Variants in PITPNM2 observed in about 807,000 individuals in gnomAD.
PITPNM2 encodes phosphatidylinositol transfer protein membrane associated 2, also known as membrane-associated phosphatidylinositol transfer protein 2.
PITPNM2 carries 35 observed loss-of-function variants against 132.2 expected under a neutral mutation model. The observed-to-expected ratio is 0.26, with a 90% CI of 0.20 to 0.35. PITPNM2 has a LOEUF of 0.35. Among genes scored for constraint, PITPNM2 ranks in the 10% least tolerant of loss-of-function variants. The pLI is 1.00. For missense variants in PITPNM2, 1,332 were observed against 1,912.0 expected, an observed-to-expected ratio of 0.70 and a Z score of 5.66; for synonymous variants, 738 against 799.2, an observed-to-expected ratio of 0.92 and a Z score of 1.29.
Position 122,986,216 on chromosome 12 carries a change from C to T in PITPNM2, c.3861G>A (p.Leu1287=), listed in dbSNP as rs1036460371. ...SFGLPGQGDF[L]RSRNHLLRTI... is the part of the protein sequence containing the mutation. ...TGCGAAGCAGGTGGTTCCGGGAGCG[C>T]AGAAAGTCGCCCTGGCCGGGCAGGC... The change falls in exon 26 of 26, where the codon CTG becomes CTA. Residue 1287 remains leucine, a synonymous_variant. Coordinates refer to ENST00000320201, the MANE Select transcript of PITPNM2 (RefSeq NM_020845.3). The T allele has an allele frequency of 4.5e-6, 7 of 1,564,444 alleles. No individual in the cohort carries two copies. The highest frequency in any genetic ancestry group is 3.8e-5 in the Admixed American group (2 of 52,970).
rs537421280 is a variant in PITPNM2 at position 123,047,256 on chromosome 12, T to C, written c.-95-12571A>G. 2.2e-4 allele frequency among the ~76,000 whole-genome samples: 33 copies of C among 152,326 alleles called. No homozygotes were observed. The East Asian group carries it at 6.4e-3, about 29-fold the overall frequency. On this transcript the variant is annotated intron_variant, in intron 2 of 25. Coordinates refer to ENST00000320201, the MANE Select transcript of PITPNM2 (RefSeq NM_020845.3). ...GCATGATTTAGAGAAACAATTTCTG[T>C]TTTTTTCTTTCAGAATATTTTGTAG...
At chr12:123,051,901 A>G (rs1016452133) in intron 2 of PITPNM2, among the ~76,000 whole-genome samples, 2 of 128,892 alleles carry the variant, frequency 1.6e-5, no homozygotes, top group African/African-American at 2.5e-5. Flanking sequence ...TCGTTTTTCC[A>G]TTCTATTCTT....
At chr12:123,075,008 A>G (rs2041739995) in intron 2 of PITPNM2, among the ~76,000 whole-genome samples, 1 of 152,150 alleles carries the variant, frequency 6.6e-6, no homozygotes, top group African/African-American at 2.4e-5. Context: ...TGGTAGGTAC[A>G]CCCCTGCTAG....
At chr12:123,067,115 G>C (rs1270262276) in intron 2 of PITPNM2, among the ~76,000 whole-genome samples, 1 of 152,176 alleles carries the variant, frequency 6.6e-6, no homozygotes, top group East Asian at 1.9e-4. Context: ...CTGGATTGAG[G>C]ATGGGCTCAA....
rs147609136 is a variant in PITPNM2 at position 123,005,904 on chromosome 12, C to G, written c.644-356G>C. ...CTTGAGTCCAAGGGTTTGAGATCAG[C>G]CTGGGCAACGAAACAAGACCCTGTC... On this transcript the variant is annotated intron_variant, in intron 6 of 25. Coordinates refer to ENST00000320201, the MANE Select transcript of PITPNM2 (RefSeq NM_020845.3). This position sits in a 1 kb window ranked among gnomAD's most constrained non-coding sequence, Gnocchi z 6.2. 4.3e-6 allele frequency: 1 copy of G among 233,140 alleles called. No individual in the cohort carries two copies. Among genetic ancestry groups the G allele is most frequent in the Non-Finnish European group, 8.2e-6 (1 of 121,778 alleles). 14.4% of individuals were successfully genotyped at this position (233,140 alleles called of 1,614,324 possible). A position where few individuals can be genotyped will look rare whatever the true frequency, so the allele number is the denominator to read the frequency against.
At chr12:123,028,356 G>A (rs1448128103) in intron 3 of PITPNM2, among the ~76,000 whole-genome samples, 1 of 152,236 alleles carries the variant, frequency 6.6e-6, no homozygotes, top group African/African-American at 2.4e-5. Context: ...TTGCAGAGAG[G>A]AAGGCCTATT....
chr12:123,069,561 G>A (rs1566277071), intron 2 of PITPNM2, among the ~76,000 whole-genome samples: 1 of 152,158 alleles, frequency 6.6e-6, no homozygotes, highest in African/African-American at 2.4e-5. Flanking sequence ...TGCTCAAAGA[G>A]CCCTTCCCCC....
At chr12:123,034,273 G>C (rs1213830494) in intron 3 of PITPNM2, 2 of 514,062 alleles carry the variant, frequency 3.9e-6, no homozygotes, top group Non-Finnish European at 6.9e-6. Context: ...GCAAGTGTTC[G>C]CGTTGTAGGC....
chr12:123,146,934 G>C (rs1023403565), intron 1 of PITPNM2, among the ~76,000 whole-genome samples: 1 of 152,138 alleles, frequency 6.6e-6, no homozygotes, highest in South Asian at 2.1e-4. Context: ...GGCCCTCCCA[G>C]CTCCAGTCTT....
chr12:123,049,694 T>G (rs939100875), intron 2 of PITPNM2, among the ~76,000 whole-genome samples: 1 of 152,238 alleles, frequency 6.6e-6, no homozygotes, highest in Non-Finnish European at 1.5e-5. Context: ...ACTTGAAGAC[T>G]GCCTCCCTCC....
At chr12:123,142,556 G>A (rs1007743537) in intron 1 of PITPNM2, among the ~76,000 whole-genome samples, 2 of 152,200 alleles carry the variant, frequency 1.3e-5, no homozygotes, top group African/African-American at 2.4e-5. Context: ...GTTCCTGACT[G>A]CCATGGGGAA....
chr12:123,140,312 A>C (rs927655904), intron 1 of PITPNM2, among the ~76,000 whole-genome samples: 1 of 152,188 alleles, frequency 6.6e-6, no homozygotes, highest in African/African-American at 2.4e-5. Flanking sequence ...GCCCAGAGAC[A>C]GCAAGGAAAG....
intron 4 of PITPNM2, among the ~76,000 whole-genome samples, chr12:123,013,587 C>T (rs1478438439): frequency 1.3e-5 from 2 of 152,216 alleles, no homozygotes; most frequent in East Asian, 3.8e-4. Context: ...CTCACGCCTT[C>T]ATGGCCTCCA....
chr12:123,043,348 G>T (rs1297118058), intron 2 of PITPNM2, among the ~76,000 whole-genome samples: 1 of 152,112 alleles, frequency 6.6e-6, no homozygotes, highest in African/African-American at 2.4e-5. Context: ...GAAGGGCAAG[G>T]ACCAAGGAGA....
In PITPNM2 at chr12:123,009,769, A is replaced by G; in HGVS notation, c.643+81T>C. 1 of 1,308,208 alleles carries G rather than the reference A, an allele frequency of 7.6e-7. No homozygotes were observed. The highest frequency in any genetic ancestry group is 1.1e-6 in the Non-Finnish European group (1 of 910,184). The allele number at this position is 1,308,208 out of a possible 1,614,324, so 81.0% of individuals were successfully genotyped here. A position where few individuals can be genotyped will look rare whatever the true frequency, so the allele number is the denominator to read the frequency against. On this transcript the variant is annotated intron_variant, in intron 6 of 25. Transcript: ENST00000320201. This position sits in a 1 kb window ranked among gnomAD's most constrained non-coding sequence, Gnocchi z 4.8. ...CAGACTCCCAGGCAGACATGCAAAG[A>G]GAGGAGGCAGACAGGCAGGTGACAG...
At chr12:123,017,197 A>G (rs957903043) in intron 3 of PITPNM2, among the ~76,000 whole-genome samples, 21 of 151,826 alleles carry the variant, frequency 1.4e-4, no homozygotes, top group African/African-American at 5.1e-4. Flanking sequence ...ATGGTGAAAC[A>G]CCGTCTCTAC....
At position 123,077,502 on chromosome 12, in the gene PITPNM2, C is replaced by G. The variant is rs933532036; in HGVS notation, c.-96+32883G>C. Among the ~76,000 whole-genome samples the G allele has an allele frequency of 1.3e-5, 2 of 152,138 alleles. No individual in the cohort carries two copies. The highest frequency in any genetic ancestry group is 1.5e-5 in the Non-Finnish European group (1 of 68,020). ...CCAGGAAAGCAGATTTTCTATGCCCCGTGGCAATCACAGTGGAAAATGGAA... is the reference window on the plus strand; with the variant it reads ...CCAGGAAAGCAGATTTTCTATGCCCGGTGGCAATCACAGTGGAAAATGGAA... On this transcript the variant is annotated intron_variant, in intron 2 of 25. Transcript: ENST00000320201. The surrounding 1 kb of genome is among the most constrained non-coding windows in gnomAD (Gnocchi z 4.8).
rs769703924 is a variant in PITPNM2, at chr12:123,004,570, G to A, written c.953-81C>T. On this transcript the variant is annotated intron_variant, in intron 7 of 25. Coordinates refer to ENST00000320201, the MANE Select transcript of PITPNM2 (RefSeq NM_020845.3). The surrounding 1 kb of genome is among the most constrained non-coding windows in gnomAD (Gnocchi z 4.9). ...GCCCTGAGCCGGCAGGAGGCAGGGA[G>A]GGCCACCCACAGGCCTGACAGGCAT... 45 of 1,364,040 alleles carry A rather than the reference G, an allele frequency of 3.3e-5. No individual in the cohort carries two copies. Among genetic ancestry groups the A allele is most frequent in the East Asian group, 1.6e-4 (7 of 43,274 alleles). The allele number at this position is 1,364,040 out of a possible 1,614,324, so 84.5% of individuals were successfully genotyped here. A position where few individuals can be genotyped will look rare whatever the true frequency, so the allele number is the denominator to read the frequency against.
intron 2 of PITPNM2, among the ~76,000 whole-genome samples, chr12:123,050,247 G>A (rs2040815290): frequency 6.6e-6 from 1 of 152,182 alleles, no homozygotes; most frequent in African/African-American, 2.4e-5. Context: ...ATATGGCAAT[G>A]CCAGGCAGCC....
Sources: allele counts gnomAD v4.1 joint callset (sites outside exome capture counted in the v4.1 genomes callset), GRCh38; gene constraint gnomAD v4.1.1; non-coding constraint Gnocchi (gnomAD v3.1); transcripts MANE v1.5; gene names NCBI Gene and HGNC (gene_info 2026-07-23, HGNC 2026-07-21).